The following CDCA7L variants were observed in gnomAD, a reference collection of about 807,000 sequenced individuals.
CDCA7L encodes the protein cell division cycle associated 7 like.
Under a neutral mutation model 57.4 loss-of-function variants are expected in CDCA7L, and 44 were observed. The ratio of observed to expected loss-of-function variants is 0.77; its 90% CI spans 0.60 to 0.98. CDCA7L has a LOEUF of 0.98. Among genes scored for constraint, CDCA7L ranks in the 50% least tolerant of loss-of-function variants. The probability of loss-of-function intolerance (pLI) is 0.00; values close to 1 mark genes in which losing one functional copy is unlikely to be tolerated. For synonymous variants in CDCA7L, 236 were observed against 202.8 expected (o/e 1.16, Z -1.39); for missense variants, 644 against 580.6 (o/e 1.11, Z -1.12).
At chr7:21,937,277 C>G (rs76067103) in intron 1 of CDCA7L, among the ~76,000 whole-genome samples, 9,438 of 152,100 alleles carry the variant, frequency 0.062, 731 homozygotes, top group Admixed American at 0.21. Flanking sequence ...TTCGTAAAAA[C>G]AAAAGTCCAT....
intron 1 of CDCA7L, among the ~76,000 whole-genome samples, chr7:21,927,433 T>A (rs1185407168): frequency 1.3e-5 from 2 of 151,926 alleles, no homozygotes; most frequent in African/African-American, 4.8e-5. Flanking sequence ...AATCAGCAAA[T>A]CTGAAGATAA....
At chr7:21,926,935 A>C (rs1323466075) in intron 1 of CDCA7L, among the ~76,000 whole-genome samples, 1 of 152,134 alleles carries the variant, frequency 6.6e-6, no homozygotes, top group Non-Finnish European at 1.5e-5. Flanking sequence ...GAGTGGAAAA[A>C]AGCCACACAC....
intron 1 of CDCA7L, among the ~76,000 whole-genome samples, chr7:21,942,158 G>C (rs1786360708): frequency 6.6e-6 from 1 of 152,196 alleles, no homozygotes; most frequent in Non-Finnish European, 1.5e-5. Context: ...ATCCTCAGCT[G>C]ATGATCATGA....
At chr7:21,902,614 G>A (rs571441368) in intron 9 of CDCA7L, 38 of 540,730 alleles carry the variant, frequency 7.0e-5, no homozygotes, top group Admixed American at 1.6e-4. Flanking sequence ...CTCACATTCT[G>A]TCCTCTTGCC....
intron 9 of CDCA7L, chr7:21,902,693 CTTG>C: frequency 2.1e-6 from 1 of 473,734 alleles, no homozygotes; most frequent in South Asian, 3.2e-5. Flanking sequence ...CTCAGCCTGC[CTTG>C]TTTGTTTGTT....
At chr7:21,928,170 G>T (rs1380623957) in intron 1 of CDCA7L, among the ~76,000 whole-genome samples, 9 of 152,168 alleles carry the variant, frequency 5.9e-5, no homozygotes, top group African/African-American at 2.2e-4. Flanking sequence ...GTCTGGAGCG[G>T]GCCTCCAGCA....
At chr7:21,913,988 C>T (rs1785407196) in intron 2 of CDCA7L, among the ~76,000 whole-genome samples, 1 of 152,252 alleles carries the variant, frequency 6.6e-6, no homozygotes, top group African/African-American at 2.4e-5. Flanking sequence ...TGATTGCTCT[C>T]TGGCACTGGT....
chr7:21,942,209 A>G (rs114624014), intron 1 of CDCA7L, among the ~76,000 whole-genome samples: 1,834 of 152,290 alleles, frequency 0.012, 35 homozygotes, highest in African/African-American at 0.042. Context: ...ATTTGAACTA[A>G]AGCTCAGGCC....
intron 1 of CDCA7L, among the ~76,000 whole-genome samples, chr7:21,940,059 G>A (rs1349300948): frequency 6.7e-6 from 1 of 150,308 alleles, no homozygotes; most frequent in Non-Finnish European, 1.5e-5. Flanking sequence ...CCTCACACCA[G>A]AACCTGGGCT....
intron 1 of CDCA7L, among the ~76,000 whole-genome samples, chr7:21,924,293 T>C (rs993855894): frequency 6.6e-6 from 1 of 152,182 alleles, no homozygotes; most frequent in Non-Finnish European, 1.5e-5. Context: ...TCAGTGTACA[T>C]TTCACCTAGA....
chr7:21,906,190 C>G, intron 6 of CDCA7L, 99 bp downstream of exon 6: 3 of 1,175,188 alleles, frequency 2.6e-6, no homozygotes, highest in Non-Finnish European at 3.6e-6. Flanking sequence ...CGCAGACCCA[C>G]GGGGTCAGAA....
In CDCA7L at chr7:21,908,260, T is replaced by G. The variant is rs781750531; in HGVS notation, c.551A>C (p.Lys184Thr). ...NEKKTILERK[K>T]DCRQVIQRED... ...CCTTTGTATCACCTGTCTACAGTCT[T>G]TCTTTCTTTCAAGAATTGTTTTTTT... The change falls in exon 4 of 10, where the codon AAA (lysine) becomes ACA (threonine). Residue 184 changes from lysine (K) to threonine (T), a missense_variant. Lys to Thr is a moderately conservative substitution (Grantham distance 78, BLOSUM62 -1). Coordinates refer to ENST00000406877, the MANE Select transcript of CDCA7L (RefSeq NM_018719.5). The G allele has an allele frequency of 4.5e-5, 72 of 1,613,480 alleles. No individual in the cohort carries two copies. Among genetic ancestry groups the G allele is most frequent in the Non-Finnish European group, 5.7e-5 (67 of 1,179,894 alleles).
chr7:21,943,035 G>C (rs936461570), intron 1 of CDCA7L, among the ~76,000 whole-genome samples: 3 of 152,218 alleles, frequency 2.0e-5, no homozygotes, highest in Non-Finnish European at 2.9e-5. Flanking sequence ...AGTACGAGGA[G>C]AACACTGACA....
chr7:21,908,096 G>A (rs1160790101), intron 4 of CDCA7L, 34 bp downstream of exon 4: 1 of 1,491,760 alleles, frequency 6.7e-7, no homozygotes, highest in Non-Finnish European at 8.8e-7. Flanking sequence ...AGAGCCTGGT[G>A]CCAACTCCCA....
chr7:21,920,812 C>A (rs1302414443), intron 1 of CDCA7L, among the ~76,000 whole-genome samples: 1 of 152,234 alleles, frequency 6.6e-6, no homozygotes, highest in Non-Finnish European at 1.5e-5. Context: ...GAAACACAGA[C>A]AATACTTATG....
chr7:21,941,297 C>T (rs1786332587), intron 1 of CDCA7L, among the ~76,000 whole-genome samples: 1 of 152,136 alleles, frequency 6.6e-6, no homozygotes. Flanking sequence ...GTAAAGATCT[C>T]TACGCTACTA....
At position 21,901,182 on chromosome 7, in the gene CDCA7L, C is replaced by A. The variant is rs1258561055; in HGVS notation, c.*1140G>T. On this transcript the variant is annotated 3_prime_UTR_variant, in exon 10 of 10. Transcript: ENST00000406877. Reference sequence around the variant, plus strand: ...TGAGAGGCCCCAGCTACATCTGGACCTTCAGGCTGAAGAGCGAAGAGAAGA... The same window carrying A: ...TGAGAGGCCCCAGCTACATCTGGACATTCAGGCTGAAGAGCGAAGAGAAGA... 6.2e-7 allele frequency: 1 copy of A among 1,613,122 alleles called. No individual in the cohort carries two copies. Among genetic ancestry groups the A allele is most frequent in the East Asian group, 2.2e-5 (1 of 44,854 alleles).
Position 21,905,490 on chromosome 7 carries a change from T to C in CDCA7L, c.1047+16A>G, listed in dbSNP as rs1217315552. On this transcript the variant is annotated intron_variant, in intron 7 of 9. Coordinates refer to ENST00000406877, the MANE Select transcript of CDCA7L (RefSeq NM_018719.5). ...CTTCGACTCCCAATAAGAATGACAA[T>C]TAATGTATACTTTACCAGAACTTTA... is the stretch of plus-strand genomic sequence containing the variant. The C allele has an allele frequency of 1.9e-6, 3 of 1,612,486 alleles. No homozygotes were observed. In the South Asian group the frequency reaches 3.3e-5, roughly 18 times the overall value.
chr7:21,942,493 C>T (rs1026675341), intron 1 of CDCA7L, among the ~76,000 whole-genome samples: 2 of 152,138 alleles, frequency 1.3e-5, no homozygotes, highest in African/African-American at 4.8e-5. Context: ...CGAGTCTTTT[C>T]TAAAACAAAA....
Sources: gnomAD v4.1 joint callset for allele counts (sites outside exome capture counted in the v4.1 genomes callset) on GRCh38, gnomAD v4.1.1 for gene constraint, MANE v1.5 for transcripts, NCBI Gene and HGNC (gene_info 2026-07-23, HGNC 2026-07-21) for gene names.